Variants in CALU observed in about 807,000 individuals in gnomAD.
CALU encodes the protein IEF SSP 9302.
In CALU, 13 loss-of-function variants were observed where a neutral mutation model predicts 37.5. The observed-to-expected ratio is 0.35, with a 90% CI of 0.23 to 0.55. CALU has a LOEUF of 0.55. Among genes scored for constraint, CALU ranks in the 20% least tolerant of loss-of-function variants. The pLI, the probability that CALU is intolerant of heterozygous loss-of-function variation, is 0.89. For synonymous variants in CALU, 114 were observed against 133.8 expected, an observed-to-expected ratio of 0.85 and a Z score of 1.02; for missense variants, 282 against 391.7, an observed-to-expected ratio of 0.72 and a Z score of 2.36.
intron 5 of CALU, chr7:128,761,397 C>T (rs879818182): frequency 4.6e-5 from 7 of 152,142 alleles, no homozygotes; most frequent in African/African-American, 7.2e-5. Flanking sequence ...TCACTTGAGT[C>T]CAAGAGTCTG....
At chr7:128,767,804 T>C in intron 6 of CALU, 149 bp downstream of exon 6, 1 of 666,176 alleles carries the variant, frequency 1.5e-6, no homozygotes. Flanking sequence ...ATTAAAACCT[T>C]TCAGGGCAGC....
At chr7:128,756,586 C>T (rs1462325181) in intron 3 of CALU, among the ~76,000 whole-genome samples, 4 of 152,026 alleles carry the variant, frequency 2.6e-5, no homozygotes, top group African/African-American at 7.2e-5. Flanking sequence ...TCAATGAATC[C>T]GCTATCCATG....
At chr7:128,762,547 C>G (rs1247647078) in intron 5 of CALU, among the ~76,000 whole-genome samples, 1 of 150,874 alleles carries the variant, frequency 6.6e-6, no homozygotes, top group East Asian at 1.9e-4. Context: ...AAAAGAAGCC[C>G]CATCAGTGCC....
intron 5 of CALU, among the ~76,000 whole-genome samples, chr7:128,764,393 T>A (rs1801245279): frequency 6.6e-6 from 1 of 151,224 alleles, no homozygotes; most frequent in Non-Finnish European, 1.5e-5. Flanking sequence ...ACCACTGCAC[T>A]CCAGCCTGGG....
intron 1 of CALU, among the ~76,000 whole-genome samples, chr7:128,739,662 T>C (rs1424480741): frequency 6.6e-6 from 1 of 152,068 alleles, no homozygotes; most frequent in Non-Finnish European, 1.5e-5. Context: ...AGGGGGCTGG[T>C]CCGGTGGAAC....
intron 5 of CALU, among the ~76,000 whole-genome samples, chr7:128,765,696 A>T (rs778137650): frequency 6.6e-6 from 1 of 152,190 alleles, no homozygotes; most frequent in African/African-American, 2.4e-5. Context: ...CAGACGTTTT[A>T]TGTTTATATA....
At chr7:128,748,319 AT>A in intron 1 of CALU, 1 of 1,419,926 alleles carries the variant, frequency 7.0e-7, no homozygotes. Context: ...GAAAGTGGAC[AT>A]TTTAACTATA....
chr7:128,748,487 G>A (rs12538139), intron 1 of CALU, 86 bp from the exon 2 acceptor site: 405,886 of 1,206,580 alleles, frequency 0.34, 73,924 homozygotes, highest in Middle Eastern at 0.39. Flanking sequence ...CAAATTAATA[G>A]TTTAACTCGG....
Position 128,771,749 on chromosome 7 carries a change from G to A in CALU, c.*2582G>A, listed in dbSNP as rs1350591008. The A allele has an allele frequency of 6.6e-6, 1 of 152,142 alleles. No individual in the cohort carries two copies. Among genetic ancestry groups the A allele is most frequent in the East Asian group, 1.9e-4 (1 of 5,204 alleles). 9.4% of individuals were successfully genotyped at this position (152,142 alleles called of 1,614,324 possible). On this transcript the variant is annotated 3_prime_UTR_variant, in exon 7 of 7. Transcript: ENST00000249364. ...TAATTATCTGATACCAAACACAAGC[G>A]ATTCTGAATGTACACACACGTTTAT...
Position 128,761,595 on chromosome 7 carries a change from C to G in CALU, c.643+1743C>G, listed in dbSNP as rs184010125. ...CCTGAGCAACATAGCGAGACTCCAT[C>G]TCTTTAGAAAAGTGAGTAAAGATGG... On this transcript the variant is annotated intron_variant, in intron 5 of 6. Transcript: ENST00000249364. 7 of 152,304 alleles carry G rather than the reference C, an allele frequency of 4.6e-5. No homozygotes were observed. The East Asian group carries it at 1.3e-3, about 29-fold the overall frequency. The allele number at this position is 152,304 out of a possible 1,614,324, so 9.4% of individuals were successfully genotyped here.
At chr7:128,766,026 G>A (rs1244796776) in intron 5 of CALU, among the ~76,000 whole-genome samples, 4 of 152,128 alleles carry the variant, frequency 2.6e-5, no homozygotes, top group African/African-American at 7.2e-5. Flanking sequence ...GCACGGTCTC[G>A]GCTCATTGCA....
Position 128,754,571 on chromosome 7 carries a change from G to C in CALU, c.415+116G>C, listed in dbSNP as rs1163222672. On this transcript the variant is annotated intron_variant, in intron 3 of 6. Transcript: ENST00000249364. ...TAGACGCGGATAAAGATGGGTTTGT[G>C]ACGGAGGGGGAGCTGAAATCCTGGA... 2.6e-6 allele frequency: 4 copies of C among 1,552,882 alleles called. No homozygotes were observed. The Admixed American group carries it at 7.8e-5, about 30-fold the overall frequency.
intron 1 of CALU, among the ~76,000 whole-genome samples, chr7:128,740,765 AACCAACTCATTG>A (rs1396046229): frequency 6.6e-6 from 1 of 152,206 alleles, no homozygotes. Flanking sequence ...ATAGCTTTGA[AACCAACTCATTG>A]TCACTCTCAA....
rs566613163 is a variant in CALU at position 128,743,956 on chromosome 7, G to A, written c.-12+4524G>A. Among the ~76,000 whole-genome samples the A allele has an allele frequency of 8.1e-4, 123 of 152,246 alleles. 1 individual carries two copies. The highest frequency in any genetic ancestry group is 2.5e-3 in the African/African-American group (102 of 41,558). The stretch of plus-strand genomic sequence containing the variant: ...CATGGTAGCTCACACCTGTAATCCC[G>A]ACACTTTGGGAGGCCGAGACGGGAG... On this transcript the variant is annotated intron_variant, in intron 1 of 6. Coordinates refer to ENST00000249364, the MANE Select transcript of CALU (RefSeq NM_001219.5).
chr7:128,743,392 A>G (rs904099622), intron 1 of CALU, among the ~76,000 whole-genome samples: 1 of 152,278 alleles, frequency 6.6e-6, no homozygotes, highest in Admixed American at 6.5e-5. Flanking sequence ...TATCCATTGG[A>G]CCAGTATTGT....
chr7:128,769,068 C>T lies in CALU; in HGVS notation c.849C>T (p.Gly283=), dbSNP rs781530380. Residue 283 remains glycine, a synonymous_variant, in exon 7 of 7, where the codon GGC becomes GGT. Transcript: ENST00000249364. ...LVYESDQNKD[G]KLTKEEIVDK... ...ATTGCTATCTCTACTTTCAGGATGG[C>T]AAGCTTACCAAGGAGGAGATCGTTG... 1.2e-6 allele frequency: 2 copies of T among 1,601,616 alleles called. No homozygotes were observed. Among genetic ancestry groups the T allele is most frequent in the Admixed American group, 3.4e-5 (2 of 59,668 alleles).
intron 5 of CALU, among the ~76,000 whole-genome samples, chr7:128,763,225 T>A (rs910023409): frequency 6.6e-6 from 1 of 152,080 alleles, no homozygotes; most frequent in African/African-American, 2.4e-5. Context: ...TCAAATAGAC[T>A]GAGTCTTTTA....
chr7:128,751,747 TA>T (rs952481035), intron 2 of CALU, among the ~76,000 whole-genome samples: 3 of 152,060 alleles, frequency 2.0e-5, no homozygotes, highest in Admixed American at 1.3e-4. Context: ...AATAACAAAA[TA>T]AGAAAATTTT....
intron 1 of CALU, among the ~76,000 whole-genome samples, chr7:128,747,283 A>G (rs958896395): frequency 3.3e-5 from 5 of 152,252 alleles, no homozygotes; most frequent in African/African-American, 1.2e-4. Flanking sequence ...TGATAGGAAT[A>G]GAGTAATAAG....
Sources: gnomAD v4.1 joint callset for allele counts (sites outside exome capture counted in the v4.1 genomes callset) on GRCh38, gnomAD v4.1.1 for gene constraint, MANE v1.5 for transcripts, NCBI Gene and HGNC (gene_info 2026-07-23, HGNC 2026-07-21) for gene names.